ARMC2: variants seen among roughly 807,000 people sequenced by gnomAD.
The protein encoded by ARMC2 is armadillo repeat-containing protein 2.
Under a neutral mutation model 90.3 loss-of-function variants are expected in ARMC2, and 67 were observed. That is an observed-to-expected ratio of 0.74 (90% CI 0.61 to 0.91). The LOEUF is 0.91. ARMC2 is among the 40% of genes least tolerant of loss of function. The pLI, the probability that ARMC2 is intolerant of heterozygous loss-of-function variation, is 0.00. For synonymous variants in ARMC2, 393 were observed against 393.0 expected (o/e 1.00, Z 0.00); for missense variants, 920 against 1,030.9 (o/e 0.89, Z 1.47).
At chr6:108,883,946 G>A (rs1012493153) in intron 5 of ARMC2, among the ~76,000 whole-genome samples, 1 of 151,896 alleles carries the variant, frequency 6.6e-6, no homozygotes, top group South Asian at 2.1e-4. Flanking sequence ...TTTCTGGGTG[G>A]TGGGATCCTG....
At chr6:108,946,736 T>G (rs572806075) in intron 12 of ARMC2, among the ~76,000 whole-genome samples, 5 of 152,214 alleles carry the variant, frequency 3.3e-5, no homozygotes, top group Non-Finnish European at 4.4e-5. Context: ...TCTTACAAAT[T>G]TTTCTAAAAT....
chr6:109,032,852 G>C, the ARMC2 span, among the ~76,000 whole-genome samples: 1 of 152,062 alleles, frequency 6.6e-6, no homozygotes, highest in African/African-American at 2.4e-5. Flanking sequence ...ACAATAGGCT[G>C]TAGTTTTTTA....
the ARMC2 span, among the ~76,000 whole-genome samples, chr6:109,016,474 C>T: frequency 6.6e-6 from 1 of 152,030 alleles, no homozygotes; most frequent in Non-Finnish European, 1.5e-5. Flanking sequence ...TCTTGCTTTC[C>T]AAGAGGGTAT....
At chr6:108,994,442 T>C in the ARMC2 span, 1 of 1,574,456 alleles carries the variant, frequency 6.4e-7, no homozygotes, top group Non-Finnish European at 8.7e-7. Flanking sequence ...TTATATTGAC[T>C]ATATAATGGT....
At chr6:108,994,140 T>TAAG in the ARMC2 span, among the ~76,000 whole-genome samples, 1 of 100,266 alleles carries the variant, frequency 1.0e-5, no homozygotes, top group African/African-American at 3.8e-5. Flanking sequence ...CCCTGTTTCT[T>TAAG]AAAAAAAAAA....
At chr6:109,007,952 C>T in the ARMC2 span, among the ~76,000 whole-genome samples, 2 of 152,012 alleles carry the variant, frequency 1.3e-5, no homozygotes. Context: ...TGGAAGCTAG[C>T]TATTTGAAAG....
chr6:108,884,118 G>A (rs2128446757), intron 5 of ARMC2, among the ~76,000 whole-genome samples: 1 of 152,210 alleles, frequency 6.6e-6, no homozygotes, highest in African/African-American at 2.4e-5. Flanking sequence ...AAAGACATTG[G>A]CCTGATTTTG....
chr6:108,989,430 T>G, the ARMC2 span, among the ~76,000 whole-genome samples: 2 of 149,214 alleles, frequency 1.3e-5, no homozygotes, highest in African/African-American at 5.1e-5. Context: ...TAGAGATATA[T>G]ATCTAGATCT....
intron 13 of ARMC2, among the ~76,000 whole-genome samples, chr6:108,954,747 C>A (rs1777440141): frequency 6.6e-6 from 1 of 152,242 alleles, no homozygotes. Flanking sequence ...GCCTCCCTCG[C>A]CCCCACTAGT....
At chr6:108,890,047 G>A (rs1208699240) in intron 5 of ARMC2, among the ~76,000 whole-genome samples, 2 of 149,180 alleles carry the variant, frequency 1.3e-5, no homozygotes, top group Non-Finnish European at 3.0e-5. Flanking sequence ...AAAATTAGCC[G>A]GGCGTAGTGG....
rs574486097 is a variant in ARMC2, at chr6:108,930,724, G to A, written c.1496+2491G>A. Among the ~76,000 whole-genome samples, 175 of 149,958 alleles carry A rather than the reference G, an allele frequency of 1.2e-3. 1 individual carries two copies. Among genetic ancestry groups the A allele is most frequent in the Admixed American group, 4.4e-3 (65 of 14,830 alleles). On this transcript the variant is annotated intron_variant, in intron 11 of 17. Coordinates refer to ENST00000392644, the MANE Select transcript of ARMC2 (RefSeq NM_032131.6). ...CCATTCTCCTGCCTCAGCCTCACAA[G>A]TAGCTGGGACTACAGGCACCCACAC...
At position 108,974,172 on chromosome 6, in the gene ARMC2, G is replaced by A. The variant is rs1778930154; in HGVS notation, c.*658G>A. ...TAACTCTCTGTGTTTGACAGGTGAG[G>A]TAATGTATTAGAAAGAATGCAGGCT... On this transcript the variant is annotated 3_prime_UTR_variant, in exon 18 of 18. Coordinates refer to ENST00000392644, the MANE Select transcript of ARMC2 (RefSeq NM_032131.6). 6.6e-6 allele frequency: 1 copy of A among 152,202 alleles called. No individual in the cohort carries two copies. Among genetic ancestry groups the A allele is most frequent in the Non-Finnish European group, 1.5e-5 (1 of 68,048 alleles). 9.4% of individuals were successfully genotyped at this position (152,202 alleles called of 1,614,324 possible).
the ARMC2 span, chr6:109,008,621 ACT>A: frequency 3.0e-5 from 6 of 199,616 alleles, no homozygotes; most frequent in East Asian, 5.6e-4. Flanking sequence ...CTAAGGCAAC[ACT>A]CTGACAGCAC....
At chr6:108,919,672 T>A (rs1032506175) in intron 10 of ARMC2, among the ~76,000 whole-genome samples, 5 of 152,194 alleles carry the variant, frequency 3.3e-5, no homozygotes, top group South Asian at 4.1e-4. Context: ...TCTTATACGT[T>A]TGATGAGTTT....
chr6:108,864,333 T>C (rs1775585101), intron 3 of ARMC2, among the ~76,000 whole-genome samples: 2 of 149,406 alleles, frequency 1.3e-5, no homozygotes, highest in Admixed American at 1.3e-4. Context: ...ACTGCAACCA[T>C]TGCCTCCCGG....
the ARMC2 span, among the ~76,000 whole-genome samples, chr6:108,997,998 T>C: frequency 4.6e-5 from 7 of 152,224 alleles, no homozygotes; most frequent in African/African-American, 1.2e-4. Flanking sequence ...TCACCTGATA[T>C]CACCTTCTAT....
At chr6:108,972,717 G>A (rs367990809) in intron 17 of ARMC2, among the ~76,000 whole-genome samples, 11 of 152,224 alleles carry the variant, frequency 7.2e-5, no homozygotes, top group Middle Eastern at 6.8e-3. Flanking sequence ...AGGCTGGATG[G>A]CGGTGGCATG....
At chr6:108,863,793 C>T (rs1376313536) in intron 3 of ARMC2, among the ~76,000 whole-genome samples, 1 of 152,170 alleles carries the variant, frequency 6.6e-6, no homozygotes, top group Non-Finnish European at 1.5e-5. Context: ...TAAACACACT[C>T]AGTAACCAGC....
intron 17 of ARMC2, among the ~76,000 whole-genome samples, chr6:108,970,494 C>CTTTTTTTTTTTTTTTTTTTTTTTTT (rs1156823883): frequency 8.5e-6 from 1 of 117,342 alleles, no homozygotes; most frequent in Non-Finnish European, 1.8e-5. Flanking sequence ...CTTCTCTTTT[C>CTTTTTTTTTTTTTTTTTTTTTTTTT]TTTTTTTTTT....
Sources: allele counts gnomAD v4.1 joint callset (sites outside exome capture counted in the v4.1 genomes callset), GRCh38; gene constraint gnomAD v4.1.1; transcripts MANE v1.5; gene names NCBI Gene and HGNC (gene_info 2026-07-23, HGNC 2026-07-21).